Variants in ZFYVE26 observed in about 807,000 individuals in gnomAD.
The protein encoded by ZFYVE26 is zinc finger FYVE-type containing 26.
Under a neutral mutation model 276.5 loss-of-function variants are expected in ZFYVE26, and 181 were observed. That is an observed-to-expected ratio of 0.65 (90% CI 0.58 to 0.74). The LOEUF (loss-of-function observed/expected upper bound fraction) is 0.74, where lower values mean the gene tolerates loss of function less well. Among genes scored for constraint, ZFYVE26 ranks in the 30% least tolerant of loss-of-function variants. The pLI is 0.00. For synonymous variants in ZFYVE26, 1,129 were observed against 1,203.1 expected (o/e 0.94, Z 1.27); for missense variants, 2,821 against 3,097.9 (o/e 0.91, Z 2.12).
chr14:67,808,015 T>A lies in ZFYVE26; in HGVS notation c.364-95A>T. 3 of 1,439,078 alleles carry A rather than the reference T, an allele frequency of 2.1e-6. No homozygotes were observed. In the East Asian group the frequency reaches 6.8e-5, roughly 33 times the overall value. 89.1% of individuals were successfully genotyped at this position (1,439,078 alleles called of 1,614,324 possible). ...GCTTTCCTCTTTTTCAGTTTACTTA[T>A]ATAATAGTGGCGGTAACAAATACTT... On this transcript the variant is annotated intron_variant, in intron 4 of 41. Coordinates refer to ENST00000347230, the MANE Select transcript of ZFYVE26 (RefSeq NM_015346.4).
intron 13 of ZFYVE26, among the ~76,000 whole-genome samples, chr14:67,730,283 G>A (rs1334005614): frequency 6.6e-6 from 1 of 152,188 alleles, no homozygotes; most frequent in Non-Finnish European, 1.5e-5. Flanking sequence ...CTCTAGAGCT[G>A]TGCCATTCAG....
intron 6 of ZFYVE26, among the ~76,000 whole-genome samples, chr14:67,805,986 C>G (rs1223059347): frequency 1.3e-5 from 2 of 152,200 alleles, no homozygotes; most frequent in Non-Finnish European, 2.9e-5. Flanking sequence ...GAGATCGCGC[C>G]ACTCCACTCC....
At chr14:67,791,848 T>C (rs1018175516) in intron 14 of ZFYVE26, among the ~76,000 whole-genome samples, 1 of 150,648 alleles carries the variant, frequency 6.6e-6, no homozygotes, top group Non-Finnish European at 1.5e-5. Context: ...TCATTTGAGG[T>C]CAGGAGTTCA....
At position 67,809,298 on chromosome 14, in the gene ZFYVE26, AT is replaced by A. The variant is rs1349918904; in HGVS notation, c.274-10del. On this transcript the variant is annotated splice_polypyrimidine_tract_variant and intron_variant, in intron 3 of 41. Transcript: ENST00000347230. ...ACAACTGGGAGTAACTTCTAGAAGA[AT>A]CAAAAGAATGAAGCATAGAGATGAG... The A allele has an allele frequency of 6.2e-7, 1 of 1,600,500 alleles. No homozygotes were observed. The highest frequency in any genetic ancestry group is 1.1e-5 in the South Asian group (1 of 90,828).
At chr14:67,751,346 C>T (rs763848459) in intron 40 of ZFYVE26, 41 of 564,710 alleles carry the variant, frequency 7.3e-5, no homozygotes, top group Non-Finnish European at 1.2e-4. Context: ...GGCCAGTTCA[C>T]CCCTCCTTAG....
At chr14:67,809,057 T>C in intron 4 of ZFYVE26, 143 bp downstream of exon 4, 2 of 753,534 alleles carry the variant, frequency 2.7e-6, no homozygotes, top group Non-Finnish European at 4.7e-6. Flanking sequence ...CTCTAAACTC[T>C]CCTCAAAGGA....
rs1378176478 is a variant in ZFYVE26, at chr14:67,802,259, C to G, written c.1459G>C (p.Glu487Gln). 6.2e-7 allele frequency: 1 copy of G among 1,614,166 alleles called. No homozygotes were observed. The highest frequency in any genetic ancestry group is 1.7e-5 in the Admixed American group (1 of 60,036). The change falls in exon 10 of 42, where the codon GAG becomes CAG. Residue 487 changes from glutamate (E) to glutamine (Q), a missense_variant. Physicochemically the swap from Glu to Gln is conservative, Grantham distance 29. Transcript: ENST00000347230. ...AGGTTCTGACACTGGCTCAGGTGCT[C>G]AGGGACTGGAGCATCAACTGCATCT... Reference protein sequence around the residue: ...EPDAVDAPVPEHLSQCQNLTL... With the variant: ...EPDAVDAPVPQHLSQCQNLTL...
rs749296595 is a variant in ZFYVE26, at chr14:67,807,872, C to T, written c.412G>A (p.Gly138Arg). ...GTCCAGCTCTCCCTCCTTGGATTTC[C>T]GTCAGGCACGTGGCCTACTGCACCC... ...TQGAVGHVPDGNPRRESWTPR... is the reference protein window; with the variant it reads ...TQGAVGHVPDRNPRRESWTPR... The change falls in exon 5 of 42, where the codon GGA becomes AGA. Residue 138 changes from glycine to arginine, a missense_variant. Physicochemically the swap from Gly to Arg is moderately radical, Grantham distance 125 (BLOSUM62 -2). Coordinates refer to ENST00000347230, the MANE Select transcript of ZFYVE26 (RefSeq NM_015346.4). 6.2e-6 allele frequency: 10 copies of T among 1,613,946 alleles called. No individual in the cohort carries two copies. The highest frequency in any genetic ancestry group is 2.2e-5 in the South Asian group (2 of 91,066).
rs1400750089 is a variant in ZFYVE26, at chr14:67,748,020, CA to C, written c.*415del. 4.2e-6 allele frequency: 1 copy of C among 237,396 alleles called. No homozygotes were observed. Among genetic ancestry groups the C allele is most frequent in the Non-Finnish European group, 8.4e-6 (1 of 119,708 alleles). 14.7% of individuals were successfully genotyped at this position (237,396 alleles called of 1,614,324 possible). On this transcript the variant is annotated 3_prime_UTR_variant, in exon 42 of 42. Coordinates refer to ENST00000347230, the MANE Select transcript of ZFYVE26 (RefSeq NM_015346.4). The stretch of plus-strand genomic sequence containing the variant: ...CAGAGGGGGGACTATACAAACAGGA[CA>C]ACCCGGGTCAAGAACCAAAACGCAG...
intron 35 of ZFYVE26, chr14:67,756,454 C>T (rs564388034): frequency 3.7e-5 from 16 of 430,754 alleles, no homozygotes; most frequent in African/African-American, 3.2e-4. Flanking sequence ...TGAAACTGCC[C>T]CTTAGGTCAC....
At chr14:67,729,906 C>T (rs780380121) in intron 13 of ZFYVE26, 1 of 436,626 alleles carries the variant, frequency 2.3e-6, no homozygotes, top group Admixed American at 2.6e-5. Context: ...AAGGGAAGCC[C>T]AGGGTGAAAT....
intron 3 of ZFYVE26, among the ~76,000 whole-genome samples, chr14:67,813,065 T>A (rs1456655211): frequency 6.6e-6 from 1 of 152,250 alleles, no homozygotes; most frequent in African/African-American, 2.4e-5. Flanking sequence ...TTTTGACAGC[T>A]CTGTGAGGAA....
chr14:67,733,713 T>A, intron 13 of ZFYVE26: 1 of 1,428,244 alleles, frequency 7.0e-7, no homozygotes, highest in Non-Finnish European at 9.9e-7. Flanking sequence ...TAATTCTCAT[T>A]CCTGGAATTT....
At chr14:67,787,170 C>T (rs2039680784) in intron 16 of ZFYVE26, among the ~76,000 whole-genome samples, 1 of 151,828 alleles carries the variant, frequency 6.6e-6, no homozygotes, top group Non-Finnish European at 1.5e-5. Flanking sequence ...ATGGTGAAAC[C>T]CCTTCTCTAC....
At chr14:67,764,011 C>A (rs1000097034) in intron 32 of ZFYVE26, among the ~76,000 whole-genome samples, 2 of 152,198 alleles carry the variant, frequency 1.3e-5, no homozygotes, top group African/African-American at 4.8e-5. Context: ...TGGTCCTTCA[C>A]TCTTATTCTA....
intron 26 of ZFYVE26, among the ~76,000 whole-genome samples, chr14:67,775,544 T>C (rs2039319889): frequency 6.6e-6 from 1 of 152,206 alleles, no homozygotes; most frequent in Admixed American, 6.5e-5. Context: ...AGGCATACTC[T>C]CAATACCAAA....
At chr14:67,760,559 C>T (rs577359292) in intron 35 of ZFYVE26, among the ~76,000 whole-genome samples, 2 of 152,182 alleles carry the variant, frequency 1.3e-5, no homozygotes, top group South Asian at 2.1e-4. Flanking sequence ...TATTATGGAA[C>T]ATTCAGATAA....
chr14:67,800,402 T>G (rs1487678685), intron 10 of ZFYVE26, among the ~76,000 whole-genome samples: 2 of 152,182 alleles, frequency 1.3e-5, no homozygotes, highest in Non-Finnish European at 1.5e-5. Context: ...TGTTTCCTTT[T>G]ATAAAAGAGA....
chr14:67,779,299 A>T (rs2039433604), intron 23 of ZFYVE26, among the ~76,000 whole-genome samples: 3 of 152,250 alleles, frequency 2.0e-5, no homozygotes, highest in Admixed American at 1.3e-4. Flanking sequence ...GCTGTAGCTC[A>T]TGCCTGTAAT....
Sources: allele counts gnomAD v4.1 joint callset (sites outside exome capture counted in the v4.1 genomes callset), GRCh38; gene constraint gnomAD v4.1.1; transcripts MANE v1.5; gene names NCBI Gene and HGNC (gene_info 2026-07-23, HGNC 2026-07-21).